AGBL1: variants seen among roughly 807,000 people sequenced by gnomAD.
AGBL1 encodes cytosolic carboxypeptidase 4.
A neutral mutation model predicts 118.9 loss-of-function variants in AGBL1; 130 were observed. The ratio of observed to expected loss-of-function variants is 1.09; its 90% confidence interval spans 0.95 to 1.26. The LOEUF is 1.26. Ranked by LOEUF, AGBL1 falls within the 50% of genes most tolerant of loss-of-function variation. The pLI is 0.00. For synonymous variants in AGBL1, 555 were observed against 478.9 expected, an observed-to-expected ratio of 1.16 and a Z score of -2.08; for missense variants, 1,584 against 1,298.1, an observed-to-expected ratio of 1.22 and a Z score of -3.38.
intron 1 of AGBL1, among the ~76,000 whole-genome samples, chr15:86,126,518 T>A (rs763753197): frequency 7.2e-5 from 11 of 152,192 alleles, no homozygotes; most frequent in African/African-American, 1.2e-4. Context: ...TCTATATGAA[T>A]TGAACAGTGC....
chr15:86,935,486 T>C (rs970263217), intron 23 of AGBL1, among the ~76,000 whole-genome samples: 4 of 152,204 alleles, frequency 2.6e-5, no homozygotes, highest in Non-Finnish European at 4.4e-5. Context: ...CATGCCACCA[T>C]AGTGGTCACA....
intron 22 of AGBL1, among the ~76,000 whole-genome samples, chr15:86,867,614 G>A (rs762798760): frequency 2.6e-5 from 4 of 152,126 alleles, no homozygotes; most frequent in Non-Finnish European, 5.9e-5. Context: ...GAACCTGTGA[G>A]GCGGGGAGAA....
At chr15:86,396,888 G>A (rs1290849486) in intron 17 of AGBL1, among the ~76,000 whole-genome samples, 4 of 152,158 alleles carry the variant, frequency 2.6e-5, no homozygotes, top group Non-Finnish European at 4.4e-5. Context: ...CTAGCATCAT[G>A]CTATTGAACT....
At chr15:86,404,491 A>T (rs559434456) in intron 18 of AGBL1, among the ~76,000 whole-genome samples, 49 of 152,254 alleles carry the variant, frequency 3.2e-4, no homozygotes, top group African/African-American at 1.1e-3. Context: ...TTTTGAACTC[A>T]GCTCTACTTT....
chr15:86,854,889 C>A (rs565173836), intron 22 of AGBL1, among the ~76,000 whole-genome samples: 1 of 152,218 alleles, frequency 6.6e-6, no homozygotes, highest in East Asian at 1.9e-4. Flanking sequence ...CAATTCGTTC[C>A]CCTCAACTGC....
intron 1 of AGBL1, among the ~76,000 whole-genome samples, chr15:86,097,839 G>A (rs1246923328): frequency 1.3e-5 from 2 of 152,024 alleles, no homozygotes; most frequent in Admixed American, 1.3e-4. Flanking sequence ...ATACTCAGTG[G>A]TAGAATTGCT....
At chr15:86,883,306 C>A (rs2079922228) in intron 22 of AGBL1, among the ~76,000 whole-genome samples, 1 of 152,160 alleles carries the variant, frequency 6.6e-6, no homozygotes, top group Non-Finnish European at 1.5e-5. Flanking sequence ...GGCTAACCAG[C>A]TCCTCAGCTT....
At chr15:86,806,049 C>T (rs559577379) in intron 22 of AGBL1, among the ~76,000 whole-genome samples, 7 of 152,248 alleles carry the variant, frequency 4.6e-5, no homozygotes, top group Admixed American at 4.6e-4. Flanking sequence ...CATATTCATA[C>T]TTTGGCCTCA....
intron 22 of AGBL1, among the ~76,000 whole-genome samples, chr15:86,840,486 C>T (rs773658889): frequency 7.2e-5 from 11 of 152,118 alleles, no homozygotes; most frequent in Non-Finnish European, 1.2e-4. Flanking sequence ...CACTCTGTTG[C>T]CCAGACTGGA....
intron 22 of AGBL1, among the ~76,000 whole-genome samples, chr15:86,680,066 C>G (rs1412715404): frequency 6.6e-6 from 1 of 152,212 alleles, no homozygotes; most frequent in South Asian, 2.1e-4. Flanking sequence ...GTACATACTG[C>G]CTGTAAAATC....
At chr15:86,392,726 C>G (rs2081306927) in intron 17 of AGBL1, among the ~76,000 whole-genome samples, 2 of 152,144 alleles carry the variant, frequency 1.3e-5, no homozygotes, top group Non-Finnish European at 2.9e-5. Flanking sequence ...TCTCTTTTTA[C>G]AGATGTCATT....
At chr15:86,365,801 G>T (rs536379036) in intron 17 of AGBL1, among the ~76,000 whole-genome samples, 29 of 152,236 alleles carry the variant, frequency 1.9e-4, no homozygotes, top group African/African-American at 7.0e-4. Context: ...GGGTAAGGGA[G>T]TGATAAATAT....
At chr15:86,629,823 T>A (rs2142432537) in intron 21 of AGBL1, among the ~76,000 whole-genome samples, 1 of 152,258 alleles carries the variant, frequency 6.6e-6, no homozygotes, top group East Asian at 1.9e-4. Flanking sequence ...CAGGCCCTAA[T>A]CAATTCATTG....
At chr15:86,436,633 TA>T (rs2082003544) in intron 18 of AGBL1, among the ~76,000 whole-genome samples, 1 of 152,206 alleles carries the variant, frequency 6.6e-6, no homozygotes, top group Non-Finnish European at 1.5e-5. Flanking sequence ...TTTGCTGCCA[TA>T]ACAATTACAC....
intron 21 of AGBL1, among the ~76,000 whole-genome samples, chr15:86,558,446 A>C (rs757587430): frequency 6.6e-5 from 10 of 152,002 alleles, no homozygotes; most frequent in Non-Finnish European, 1.3e-4. Context: ...ATTAGCTGGC[A>C]CCTCTGTTGT....
intron 3 of AGBL1, among the ~76,000 whole-genome samples, chr15:86,151,054 C>G (rs565621294): frequency 2.0e-5 from 3 of 146,756 alleles, no homozygotes; most frequent in Non-Finnish European, 4.5e-5. Context: ...ATCGCAAGAA[C>G]AAAAAAACAA....
At chr15:86,630,058 T>C (rs968281956) in intron 21 of AGBL1, among the ~76,000 whole-genome samples, 1 of 152,228 alleles carries the variant, frequency 6.6e-6, no homozygotes, top group Non-Finnish European at 1.5e-5. Context: ...TTCTGCAATG[T>C]GGTGCTTTGA....
chr15:86,504,886 A>G (rs2082957246), intron 18 of AGBL1, among the ~76,000 whole-genome samples: 1 of 151,714 alleles, frequency 6.6e-6, no homozygotes, highest in African/African-American at 2.4e-5. Context: ...GATTCTTGTT[A>G]CTGTCTAGTG....
At chr15:86,988,941 G>T (rs766699577) in intron 24 of AGBL1, among the ~76,000 whole-genome samples, 126 of 149,426 alleles carry the variant, frequency 8.4e-4, no homozygotes, top group Non-Finnish European at 1.6e-3. Context: ...ATAAAATATT[G>T]AGTGAAAATG....
Sources: gnomAD v4.1 joint callset for allele counts (sites outside exome capture counted in the v4.1 genomes callset) on GRCh38, gnomAD v4.1.1 for gene constraint, MANE v1.5 for transcripts, NCBI Gene and HGNC (gene_info 2026-07-23, HGNC 2026-07-21) for gene names.